Variants in FAM107B observed in about 807,000 individuals in gnomAD.
FAM107B encodes the protein protein FAM107B.
A neutral mutation model predicts 31.5 loss-of-function variants in FAM107B; 21 were observed. The ratio of observed to expected loss-of-function variants is 0.67; its 90% CI spans 0.47 to 0.96. The LOEUF (loss-of-function observed/expected upper bound fraction) is 0.96, where lower values mean the gene tolerates loss of function less well. Ranked by LOEUF, FAM107B falls within the 40% of genes least tolerant of loss-of-function variation. The probability of loss-of-function intolerance (pLI) is 0.00; values close to 1 mark genes in which losing one functional copy is unlikely to be tolerated. For missense variants in FAM107B, 452 were observed against 377.1 expected, an observed-to-expected ratio of 1.20 and a Z score of -1.64; for synonymous variants, 157 against 141.5, an observed-to-expected ratio of 1.11 and a Z score of -0.78.
chr10:14,753,322 A>T (rs1326903852), intron 1 of FAM107B, among the ~76,000 whole-genome samples: 1 of 152,194 alleles, frequency 6.6e-6, no homozygotes, highest in Non-Finnish European at 1.5e-5. Context: ...CTGGCTCCTA[A>T]CCAGGATAGC....
In FAM107B at chr10:14,592,124, C is replaced by T. The variant is rs61842707; in HGVS notation, c.470-61609G>A. On this transcript the variant is annotated intron_variant, in intron 2 of 4. Transcript: ENST00000181796. The stretch of plus-strand genomic sequence containing the variant: ...AGTTCAGCAGATCCCTGGGCTTCCC[C>T]GATCCCGTGCCATCTGATTTCCCAA... 6.8e-3 allele frequency among the ~76,000 whole-genome samples: 1,040 copies of T among 152,292 alleles called. 9 individuals are homozygous for T. Among genetic ancestry groups the T allele is most frequent in the Non-Finnish European group, 0.011 (737 of 68,032 alleles).
At chr10:14,541,799 G>C (rs1382894651) in intron 2 of FAM107B, among the ~76,000 whole-genome samples, 1 of 152,136 alleles carries the variant, frequency 6.6e-6, no homozygotes, top group Non-Finnish European at 1.5e-5. Flanking sequence ...AAGTAGCAGT[G>C]GCCTCACAGT....
chr10:14,602,896 G>C (rs1482845242), intron 2 of FAM107B: 1 of 151,742 alleles, frequency 6.6e-6, no homozygotes, highest in African/African-American at 2.4e-5. Flanking sequence ...ATTAATCTTG[G>C]ATGTAAGTGG....
intron 2 of FAM107B, among the ~76,000 whole-genome samples, chr10:14,534,395 T>C (rs896777763): frequency 1.3e-4 from 20 of 152,280 alleles, no homozygotes; most frequent in African/African-American, 4.8e-4. Flanking sequence ...GACTAACACA[T>C]GGCAATAACC....
intron 2 of FAM107B, among the ~76,000 whole-genome samples, chr10:14,559,419 A>G (rs1344150051): frequency 6.6e-6 from 1 of 151,728 alleles, no homozygotes; most frequent in Non-Finnish European, 1.5e-5. Context: ...AAGAGCTTCC[A>G]TTCTAATGGA....
At chr10:14,637,036 C>G (rs1564610025) in intron 2 of FAM107B, among the ~76,000 whole-genome samples, 1 of 152,078 alleles carries the variant, frequency 6.6e-6, no homozygotes, top group South Asian at 2.1e-4. Flanking sequence ...AACTTAAATC[C>G]CAAACCCATG....
At chr10:14,656,847 A>C (rs137937415) in intron 2 of FAM107B, among the ~76,000 whole-genome samples, 5 of 152,336 alleles carry the variant, frequency 3.3e-5, no homozygotes, top group African/African-American at 1.2e-4. Flanking sequence ...CATTCCTGGT[A>C]ACCGGTAACT....
chr10:14,752,297 T>C (rs1832844970), intron 1 of FAM107B, among the ~76,000 whole-genome samples: 1 of 152,174 alleles, frequency 6.6e-6, no homozygotes. Context: ...CTCTTTGCAG[T>C]GTGATCATCT....
intron 1 of FAM107B, among the ~76,000 whole-genome samples, chr10:14,705,134 G>A (rs903944623): frequency 2.6e-5 from 4 of 151,722 alleles, no homozygotes; most frequent in African/African-American, 9.7e-5. Context: ...CTAATCATTA[G>A]GGAAATGTAA....
intron 2 of FAM107B, among the ~76,000 whole-genome samples, chr10:14,629,612 C>A (rs12265856): frequency 0.04 from 5,784 of 146,238 alleles, 177 homozygotes; most frequent in African/African-American, 0.084. Flanking sequence ...TCCCGGGTTC[C>A]AGCCATTCTC....
At chr10:14,595,874 G>A (rs917841823) in intron 2 of FAM107B, among the ~76,000 whole-genome samples, 7 of 152,106 alleles carry the variant, frequency 4.6e-5, no homozygotes, top group Non-Finnish European at 7.4e-5. Context: ...GCGGCACCCC[G>A]GCTGGTCTCC....
intron 2 of FAM107B, among the ~76,000 whole-genome samples, chr10:14,559,099 CAAAAAA>C (rs745765049): frequency 5.7e-5 from 5 of 88,200 alleles, no homozygotes; most frequent in Non-Finnish European, 1.1e-4. Context: ...TGTGGAACTT[CAAAAAA>C]AAAAAAAAAA....
At chr10:14,772,448 C>T (rs1833328778) in intron 1 of FAM107B, among the ~76,000 whole-genome samples, 1 of 151,824 alleles carries the variant, frequency 6.6e-6, no homozygotes, top group Admixed American at 6.6e-5. Flanking sequence ...GGCTAGCGAA[C>T]TACAAGTGCT....
At chr10:14,653,157 C>A (rs138090908) in intron 2 of FAM107B, among the ~76,000 whole-genome samples, 1 of 152,214 alleles carries the variant, frequency 6.6e-6, no homozygotes, top group Admixed American at 6.5e-5. Context: ...TCCACTGCCA[C>A]GGTATTTACA....
At position 14,559,601 on chromosome 10, in the gene FAM107B, C is replaced by T. The variant is rs184926185; in HGVS notation, c.470-29086G>A. 8.4e-3 allele frequency among the ~76,000 whole-genome samples: 1,279 copies of T among 151,478 alleles called. 17 individuals are homozygous for T. The highest frequency in any genetic ancestry group is 0.03 in the African/African-American group (1,219 of 41,284). On this transcript the variant is annotated intron_variant, in intron 2 of 4. Transcript: ENST00000181796. ...TTTTTTTTTTTTGAGATGGAGTCACCCTCTGTCACCCAGGCTGGAGTGCAG... is the reference window on the plus strand; with the variant it reads ...TTTTTTTTTTTTGAGATGGAGTCACTCTCTGTCACCCAGGCTGGAGTGCAG...
rs566425961 is a variant in FAM107B at position 14,535,464 on chromosome 10, C to T, written c.470-4949G>A. On this transcript the variant is annotated intron_variant, in intron 2 of 4. Transcript: ENST00000181796. The stretch of plus-strand genomic sequence containing the variant: ...GGAAAACTCTGTATAGGAAACTCTA[C>T]TTCTCTGGGCTTTGATTTCTTCAAA... Among the ~76,000 whole-genome samples the T allele has an allele frequency of 1.4e-4, 21 of 152,356 alleles. 1 individual carries two copies. The East Asian group carries it at 2.1e-3, about 15-fold the overall frequency.
chr10:14,748,858 C>T lies in FAM107B; in HGVS notation c.411+25395G>A, dbSNP rs143058869. Among the ~76,000 whole-genome samples, 792 of 152,288 alleles carry T rather than the reference C, an allele frequency of 5.2e-3. 5 individuals are homozygous for T. The highest frequency in any genetic ancestry group is 0.018 in the African/African-American group (754 of 41,546). On this transcript the variant is annotated intron_variant, in intron 1 of 4. Transcript: ENST00000181796. ...AGCTTGTCACCAAGATGTAGCACAA[C>T]GAAAACCAGGTAAAATTCCAGGGCC...
At chr10:14,768,423 C>T (rs549449399) in intron 1 of FAM107B, among the ~76,000 whole-genome samples, 59 of 152,306 alleles carry the variant, frequency 3.9e-4, no homozygotes, top group African/African-American at 1.4e-3. Context: ...GTAATCGAAA[C>T]AGTGTGGTAC....
intron 2 of FAM107B, among the ~76,000 whole-genome samples, chr10:14,567,526 G>T (rs949139638): frequency 1.3e-5 from 2 of 152,166 alleles, no homozygotes; most frequent in African/African-American, 4.8e-5. Context: ...GTGAGGCAGA[G>T]ATCAGGATCA....
Sources: gnomAD v4.1 joint callset for allele counts (sites outside exome capture counted in the v4.1 genomes callset) on GRCh38, gnomAD v4.1.1 for gene constraint, MANE v1.5 for transcripts, NCBI Gene and HGNC (gene_info 2026-07-23, HGNC 2026-07-21) for gene names.